The following TENM2 variants were observed in gnomAD, a reference collection of about 807,000 sequenced individuals.
TENM2 encodes the protein teneurin transmembrane protein 2.
A neutral mutation model predicts 245.2 loss-of-function variants in TENM2; 52 were observed. The ratio of observed to expected loss-of-function variants is 0.21; its 90% CI spans 0.17 to 0.27. TENM2 has a LOEUF of 0.27. Among genes scored for constraint, TENM2 ranks in the 10% least tolerant of loss-of-function variants. The pLI, the probability that TENM2 is intolerant of heterozygous loss-of-function variation, is 1.00. For synonymous variants in TENM2, 1,363 were observed against 1,438.9 expected (o/e 0.95, Z 1.19); for missense variants, 3,046 against 3,666.8 (o/e 0.83, Z 4.37).
intron 2 of TENM2, among the ~76,000 whole-genome samples, chr5:167,757,077 TA>T (rs1762358070): frequency 1.3e-5 from 2 of 150,104 alleles, no homozygotes; most frequent in African/African-American, 4.9e-5. Flanking sequence ...TTATATTTTT[TA>T]TTTTTTTATT....
chr5:167,744,524 G>A lies in TENM2; in HGVS notation c.503-131462G>A, dbSNP rs577949726. 4.6e-5 allele frequency among the ~76,000 whole-genome samples: 7 copies of A among 152,270 alleles called. 1 individual carries two copies. The South Asian group carries it at 1.5e-3, about 32-fold the overall frequency. On this transcript the variant is annotated intron_variant, in intron 2 of 28. Transcript: ENST00000518659. The stretch of plus-strand genomic sequence containing the variant: ...ATATATAGTAGGAGTTCAGAAAAAG[G>A]AAAATGCAATGATTTTTAAGTACTT...
intron 1 of TENM2, among the ~76,000 whole-genome samples, chr5:167,294,696 A>G (rs1754845291): frequency 6.6e-6 from 1 of 152,012 alleles, no homozygotes; most frequent in Admixed American, 6.6e-5. Context: ...TATTTGGCCT[A>G]TGGATTTCTT....
At chr5:167,271,016 G>A in the TENM2 span, among the ~76,000 whole-genome samples, 1 of 152,108 alleles carries the variant, frequency 6.6e-6, no homozygotes, top group Non-Finnish European at 1.5e-5. Context: ...ACTTGACGAT[G>A]ATTTTGACTT....
At position 168,211,721 on chromosome 5, in the gene TENM2, T is replaced by C. The variant is rs1182540444; in HGVS notation, c.3825-13T>C. On this transcript the variant is annotated splice_polypyrimidine_tract_variant and intron_variant, in intron 19 of 28. Transcript: ENST00000518659. Reference sequence around the variant, plus strand: ...GTTTGTTCTTTTTTCCTTTCTGTTTTCTTTCTATAAAGAAATAAAGAGTTT... The same window carrying C: ...GTTTGTTCTTTTTTCCTTTCTGTTTCCTTTCTATAAAGAAATAAAGAGTTT... The C allele has an allele frequency of 7.7e-7, 1 of 1,290,666 alleles. No homozygotes were observed. Among genetic ancestry groups the C allele is most frequent in the East Asian group, 2.6e-5 (1 of 39,180 alleles). The allele number at this position is 1,290,666 out of a possible 1,614,324, so 80.0% of individuals were successfully genotyped here.
At chr5:167,352,604 G>A (rs1758991386) in intron 1 of TENM2, among the ~76,000 whole-genome samples, 1 of 152,150 alleles carries the variant, frequency 6.6e-6, no homozygotes, top group Admixed American at 6.5e-5. Flanking sequence ...TTAGGCTTCT[G>A]CTCCGAATTA....
chr5:167,913,905 G>T (rs1235351998), intron 3 of TENM2, among the ~76,000 whole-genome samples: 5 of 152,196 alleles, frequency 3.3e-5, no homozygotes, highest in Admixed American at 3.3e-4. Context: ...AGTACTTAAG[G>T]TTGTTGCGAG....
chr5:167,490,428 G>A lies in TENM2; in HGVS notation c.502+114955G>A, dbSNP rs79940647. 5.9e-3 allele frequency among the ~76,000 whole-genome samples: 900 copies of A among 151,966 alleles called. 27 individuals carry two copies. In the East Asian group the frequency reaches 0.066, roughly 11 times the overall value. ...CCATCTAATAATGTTTTGATTTGCC[G>A]TTTTTCTTAGTTGAATATCTCTCTC... On this transcript the variant is annotated intron_variant, in intron 2 of 28. Transcript: ENST00000518659.
At chr5:167,486,689 A>G (rs1450204876) in intron 2 of TENM2, among the ~76,000 whole-genome samples, 1 of 152,304 alleles carries the variant, frequency 6.6e-6, no homozygotes, top group African/African-American at 2.4e-5. Context: ...CCTAAAGAAT[A>G]CATCACTAGA....
the TENM2 span, among the ~76,000 whole-genome samples, chr5:167,206,595 G>A: frequency 1.3e-5 from 2 of 152,088 alleles, no homozygotes; most frequent in Admixed American, 6.5e-5. Context: ...CTTTATATAG[G>A]CCACAGCTTT....
At chr5:167,580,805 A>G (rs1775036877) in intron 2 of TENM2, among the ~76,000 whole-genome samples, 1 of 152,218 alleles carries the variant, frequency 6.6e-6, no homozygotes, top group African/African-American at 2.4e-5. Context: ...CCTGGCCAAC[A>G]TGGTGAAATC....
At chr5:167,347,692 TTC>T (rs962576484) in intron 1 of TENM2, among the ~76,000 whole-genome samples, 3 of 152,102 alleles carry the variant, frequency 2.0e-5, no homozygotes. Flanking sequence ...TATCCTTTCT[TTC>T]TCCCTTCCTC....
chr5:167,257,351 T>C, the TENM2 span, among the ~76,000 whole-genome samples: 1 of 152,100 alleles, frequency 6.6e-6, no homozygotes, highest in Non-Finnish European at 1.5e-5. Flanking sequence ...TGTGAGGTAC[T>C]ACAATTGATA....
intron 2 of TENM2, among the ~76,000 whole-genome samples, chr5:167,828,122 T>C (rs1002409173): frequency 8.5e-5 from 13 of 152,224 alleles, no homozygotes; most frequent in Non-Finnish European, 1.8e-4. Context: ...AATTTAATCC[T>C]CAGGAAAGCC....
At chr5:167,396,595 G>C (rs1762067411) in intron 2 of TENM2, among the ~76,000 whole-genome samples, 2 of 152,158 alleles carry the variant, frequency 1.3e-5, no homozygotes, top group African/African-American at 4.8e-5. Context: ...GCATCATGCT[G>C]TATCAAGGAC....
intron 2 of TENM2, among the ~76,000 whole-genome samples, chr5:167,775,229 A>G (rs145905999): frequency 0.03 from 4,617 of 152,180 alleles, 251 homozygotes; most frequent in African/African-American, 0.11. Context: ...CGGCCTCCCA[A>G]AGTGCTGGGA....
intron 2 of TENM2, among the ~76,000 whole-genome samples, chr5:167,763,986 A>G (rs1166317779): frequency 1.3e-5 from 2 of 152,062 alleles, no homozygotes; most frequent in Admixed American, 1.3e-4. Flanking sequence ...GTCTCAATCA[A>G]TACAAGTCAG....
At chr5:167,414,013 A>G (rs1394291593) in intron 2 of TENM2, among the ~76,000 whole-genome samples, 2 of 152,192 alleles carry the variant, frequency 1.3e-5, no homozygotes, top group Non-Finnish European at 2.9e-5. Flanking sequence ...GATGCCTTGT[A>G]TTTAGGCTAG....
intron 1 of TENM2, among the ~76,000 whole-genome samples, chr5:167,328,041 T>C (rs747965789): frequency 1.9e-4 from 29 of 152,120 alleles, no homozygotes; most frequent in African/African-American, 3.4e-4. Context: ...CCACTGGATA[T>C]AGTGGAATGG....
At chr5:167,217,222 T>C in the TENM2 span, among the ~76,000 whole-genome samples, 1 of 152,194 alleles carries the variant, frequency 6.6e-6, no homozygotes, top group Non-Finnish European at 1.5e-5. Flanking sequence ...TGATTGTGTG[T>C]GCAGAAAAGT....
Sources: allele counts gnomAD v4.1 joint callset (sites outside exome capture counted in the v4.1 genomes callset), GRCh38; gene constraint gnomAD v4.1.1; transcripts MANE v1.5; gene names NCBI Gene and HGNC (gene_info 2026-07-23, HGNC 2026-07-21).